ADA2: variants seen among roughly 807,000 people sequenced by gnomAD.
ADA2 encodes the protein adenosine deaminase CECR1.
In ADA2, 29 loss-of-function variants were observed where a neutral mutation model predicts 44.2. The ratio of observed to expected loss-of-function variants is 0.66; its 90% CI spans 0.49 to 0.89. The LOEUF (loss-of-function observed/expected upper bound fraction) is 0.89, where lower values mean the gene tolerates loss of function less well. Ranked by LOEUF, ADA2 falls within the 40% of genes least tolerant of loss-of-function variation. ADA2 has a pLI of 0.00. For missense variants in ADA2, 637 were observed against 644.8 expected (o/e 0.99, Z 0.13); for synonymous variants, 215 against 234.9 (o/e 0.92, Z 0.77).
rs752798667 is a variant in ADA2, at chr22:17,188,387, C to T, written c.1033G>A (p.Ala345Thr). The T allele has an allele frequency of 2.2e-5, 36 of 1,613,986 alleles. No homozygotes were observed. Among genetic ancestry groups the T allele is most frequent in the East Asian group, 1.8e-4 (8 of 44,878 alleles). Reference sequence around the variant, plus strand: ...TAAGGCAGCTTAACGCCATCCTTGGCGGGGATCATCAGAGCTTCCTTGTAG... The same window carrying T: ...TAAGGCAGCTTAACGCCATCCTTGGTGGGGATCATCAGAGCTTCCTTGTAG... The part of the protein sequence containing the change: ...HDYKEALMIP[A>T]KDGVKLPYFF... The change falls in exon 7 of 10, where the codon GCC becomes ACC. Residue 345 changes from alanine (A) to threonine (T), a missense_variant. Coordinates refer to ENST00000399837, the MANE Select transcript of ADA2 (RefSeq NM_001282225.2).
intron 1 of ADA2, among the ~76,000 whole-genome samples, chr22:17,216,019 T>C (rs2123733206): frequency 6.6e-6 from 1 of 151,928 alleles, no homozygotes; most frequent in South Asian, 2.1e-4. Flanking sequence ...AAACCCCATC[T>C]CTACTAAAAA....
intron 1 of ADA2, among the ~76,000 whole-genome samples, chr22:17,211,568 G>A (rs544749881): frequency 1.3e-5 from 2 of 152,020 alleles, no homozygotes; most frequent in Non-Finnish European, 2.9e-5. Flanking sequence ...GGGAAATCGA[G>A]GATGCAATGA....
rs976511354 is a variant in ADA2 at position 17,209,462 on chromosome 22, C to T, written c.216G>A (p.Lys72=). The T allele has an allele frequency of 1.2e-6, 2 of 1,614,010 alleles. No individual in the cohort carries two copies. The highest frequency in any genetic ancestry group is 1.7e-5 in the Admixed American group (1 of 59,982). The change falls in exon 2 of 10, where the codon AAG becomes AAA. Residue 72 remains lysine, a synonymous_variant. Transcript: ENST00000399837. ...RLMTLKIAEM[K]EAMRTLIFPP... is the part of the protein sequence containing the mutation. ...GGAATATCAGGGTCCTCATGGCCTC[C>T]TTCATCTCAGCGATTTTGAGCGTCA...
chr22:17,191,658 G>A (rs773392040), intron 5 of ADA2, 25 bp downstream of exon 5: 1 of 1,610,314 alleles, frequency 6.2e-7, no homozygotes, highest in Non-Finnish European at 8.5e-7. Flanking sequence ...CCCAACCCGA[G>A]CTTTTCAGCA....
chr22:17,218,748 A>G (rs990411635), intron 1 of ADA2, among the ~76,000 whole-genome samples: 1 of 152,204 alleles, frequency 6.6e-6, no homozygotes, highest in Non-Finnish European at 1.5e-5. Flanking sequence ...AGTAAAAACA[A>G]TCCTTATTCA....
At chr22:17,187,835 T>C (rs952774276) in intron 7 of ADA2, among the ~76,000 whole-genome samples, 2 of 152,060 alleles carry the variant, frequency 1.3e-5, no homozygotes, top group African/African-American at 2.4e-5. Context: ...CCAGGCGCAG[T>C]GGCTCACCCT....
intron 3 of ADA2, among the ~76,000 whole-genome samples, chr22:17,204,784 T>G (rs2062334588): frequency 7.0e-6 from 1 of 142,600 alleles, no homozygotes; most frequent in Non-Finnish European, 1.5e-5. Flanking sequence ...CATGAGAAAA[T>G]CAATTCCTTC....
At position 17,209,362 on chromosome 22, in the gene ADA2, G is replaced by C; in HGVS notation, c.316C>G (p.Pro106Ala). The stretch of plus-strand genomic sequence containing the variant: ...ACCCCTTTCCAAACCTTACCTTTTG[G>C]CATCATCCTTAGAATATTAAACACT... ...SQVFNILRMM[P>A]KGAALHLHDI... The change falls in exon 2 of 10, where the codon CCA (proline) becomes GCA (alanine). Residue 106 changes from proline (P) to alanine (A), a missense_variant. Physicochemically the swap from Pro to Ala is conservative, Grantham distance 27 (BLOSUM62 -1). Coordinates refer to ENST00000399837, the MANE Select transcript of ADA2 (RefSeq NM_001282225.2). The C allele has an allele frequency of 6.2e-6, 10 of 1,612,692 alleles. No individual in the cohort carries two copies. Among genetic ancestry groups the C allele is most frequent in the Non-Finnish European group, 7.6e-6 (9 of 1,179,112 alleles).
At chr22:17,219,673 T>TTG (rs1555888664), upstream of ADA2, 1 of 136,256 alleles carries the variant, frequency 7.3e-6, no homozygotes, top group African/African-American at 2.8e-5. Context: ...TTGTTTTTTT[T>TTG]TTTTTTTTTT....
intron 1 of ADA2, among the ~76,000 whole-genome samples, chr22:17,216,535 G>A (rs2062473669): frequency 6.6e-6 from 1 of 152,140 alleles, no homozygotes; most frequent in East Asian, 1.9e-4. Flanking sequence ...GGGAGGCCGA[G>A]GCAGGTGGAT....
intron 4 of ADA2, among the ~76,000 whole-genome samples, chr22:17,194,666 G>A (rs2062167804): frequency 6.6e-6 from 1 of 151,990 alleles, no homozygotes; most frequent in African/African-American, 2.4e-5. Flanking sequence ...TTCCCTGACT[G>A]CCTGACCTGG....
intron 4 of ADA2, among the ~76,000 whole-genome samples, chr22:17,195,400 GCGC>G (rs1370078053): frequency 6.6e-6 from 1 of 151,898 alleles, no homozygotes; most frequent in Admixed American, 6.6e-5. Context: ...GTGGTGGTGG[GCGC>G]CTGTAATCCC....
intron 2 of ADA2, among the ~76,000 whole-genome samples, chr22:17,208,577 T>C (rs780002470): frequency 6.6e-6 from 1 of 151,616 alleles, no homozygotes. Flanking sequence ...CCGAGGAGTG[T>C]GGATTGCCTG....
intron 4 of ADA2, among the ~76,000 whole-genome samples, chr22:17,201,209 A>AG: frequency 6.6e-6 from 1 of 152,164 alleles, no homozygotes; most frequent in East Asian, 1.9e-4. Flanking sequence ...TGTCAAAAAA[A>AG]AAAAAGAAGA....
At chr22:17,189,007 C>G (rs1029967938) in intron 6 of ADA2, among the ~76,000 whole-genome samples, 1 of 140,592 alleles carries the variant, frequency 7.1e-6, no homozygotes, top group African/African-American at 2.6e-5. Flanking sequence ...CTGCCCTGGA[C>G]TAATCTAGAT....
At chr22:17,185,642 G>A (rs894488165) in intron 7 of ADA2, among the ~76,000 whole-genome samples, 1 of 151,898 alleles carries the variant, frequency 6.6e-6, no homozygotes, top group Non-Finnish European at 1.5e-5. Context: ...CAACACCCTC[G>A]CCCAACCCCC....
intron 7 of ADA2, among the ~76,000 whole-genome samples, chr22:17,183,500 G>A (rs1434644279): frequency 2.5e-4 from 30 of 121,570 alleles, no homozygotes; most frequent in Non-Finnish European, 4.2e-4. Flanking sequence ...TTGCTCTGTC[G>A]CCCAGGCTGG....
chr22:17,205,709 C>T (rs1241570332), intron 3 of ADA2, among the ~76,000 whole-genome samples: 1 of 152,172 alleles, frequency 6.6e-6, no homozygotes, highest in East Asian at 1.9e-4. Context: ...CACAATGGCT[C>T]GGCTCATGCC....
intron 4 of ADA2, among the ~76,000 whole-genome samples, chr22:17,196,385 G>C (rs1435269216): frequency 6.7e-6 from 1 of 148,580 alleles, no homozygotes; most frequent in African/African-American, 2.5e-5. Flanking sequence ...TATATCAATA[G>C]ATATAATCCA....
Sources: gnomAD v4.1 joint callset for allele counts (sites outside exome capture counted in the v4.1 genomes callset) on GRCh38, gnomAD v4.1.1 for gene constraint, MANE v1.5 for transcripts, NCBI Gene and HGNC (gene_info 2026-07-23, HGNC 2026-07-21) for gene names.